Variants in CCM2 observed in about 807,000 individuals in gnomAD.
CCM2 encodes CCM2 scaffold protein.
A neutral mutation model predicts 44.9 loss-of-function variants in CCM2; 25 were observed. The observed-to-expected ratio is 0.56, with a 90% CI of 0.41 to 0.78. CCM2 has a LOEUF of 0.78. Among genes scored for constraint, CCM2 ranks in the 30% least tolerant of loss-of-function variants. The pLI is 0.00. For synonymous variants in CCM2, 219 were observed against 241.1 expected (o/e 0.91, Z 0.85); for missense variants, 481 against 580.6 (o/e 0.83, Z 1.76).
At chr7:45,064,367 A>G (rs987214070) in intron 3 of CCM2, 96 bp from the exon 4 acceptor site, 1 of 1,215,368 alleles carries the variant, frequency 8.2e-7, no homozygotes, top group Non-Finnish European at 1.2e-6. Context: ...CATTTGTCAC[A>G]TGTGTGACAT....
At chr7:45,027,259 C>T (rs981119354) in intron 1 of CCM2, 9 of 292,514 alleles carry the variant, frequency 3.1e-5, no homozygotes. Flanking sequence ...TTCCACCCTT[C>T]GTATGAGGCA....
At chr7:45,066,357 C>T (rs992886074) in intron 4 of CCM2, among the ~76,000 whole-genome samples, 6 of 152,098 alleles carry the variant, frequency 3.9e-5, no homozygotes, top group Non-Finnish European at 5.9e-5. Flanking sequence ...ATGTTGCCCA[C>T]GCTGGTCTTG....
intron 1 of CCM2, among the ~76,000 whole-genome samples, chr7:45,001,991 A>G (rs1035372192): frequency 7.9e-5 from 12 of 152,262 alleles, no homozygotes; most frequent in African/African-American, 2.9e-4. Flanking sequence ...CCTGTAGACA[A>G]GCCAGACAAG....
intron 2 of CCM2, among the ~76,000 whole-genome samples, chr7:45,047,879 TAAG>T (rs1227688654): frequency 3.3e-5 from 5 of 152,168 alleles, no homozygotes; most frequent in African/African-American, 7.2e-5. Context: ...TTTCTTATAA[TAAG>T]AGAATTTACA....
At chr7:45,015,915 T>C (rs920280340) in intron 1 of CCM2, among the ~76,000 whole-genome samples, 5 of 152,190 alleles carry the variant, frequency 3.3e-5, no homozygotes, top group Admixed American at 2.6e-4. Flanking sequence ...CCGAAAGCCA[T>C]GATTTGACAT....
intron 3 of CCM2, 96 bp downstream of exon 3, chr7:45,064,097 G>A: frequency 1.2e-6 from 1 of 833,732 alleles, no homozygotes; most frequent in South Asian, 1.4e-5. Context: ...GAATGAGCCA[G>A]TCCCATCACA....
chr7:45,018,934 A>G (rs759278658), intron 1 of CCM2, among the ~76,000 whole-genome samples: 5 of 149,426 alleles, frequency 3.3e-5, no homozygotes, highest in Non-Finnish European at 7.4e-5. Context: ...TAATTTTTGT[A>G]TTTTTAATAG....
Position 45,075,672 on chromosome 7 carries a change from A to T in CCM2, c.1055-105A>T. The T allele has an allele frequency of 4.9e-6, 7 of 1,417,612 alleles. No individual in the cohort carries two copies. In the South Asian group the frequency reaches 8.1e-5, roughly 16 times the overall value. The allele number at this position is 1,417,612 out of a possible 1,614,324, so 87.8% of individuals were successfully genotyped here. On this transcript the variant is annotated intron_variant, in intron 9 of 9. Transcript: ENST00000258781. ...GGCATCAGGGTCCCCAAGGCCATGC[A>T]CCAGGGGCAGCTGTGGCCCTGTCAG... is the stretch of plus-strand genomic sequence containing the variant.
At chr7:45,073,857 G>A (rs1583994344) in intron 8 of CCM2, 2 of 552,116 alleles carry the variant, frequency 3.6e-6, no homozygotes, top group East Asian at 6.1e-5. Context: ...CCCCTGCAAG[G>A]CCACATGGCC....
intron 2 of CCM2, among the ~76,000 whole-genome samples, chr7:45,045,650 A>C (rs1413006801): frequency 1.3e-5 from 2 of 152,044 alleles, no homozygotes; most frequent in Non-Finnish European, 2.9e-5. Context: ...AATTAGCCGG[A>C]CGTGGTGGCG....
chr7:45,038,321 T>C lies in CCM2; in HGVS notation c.99T>C (p.His33=). The C allele has an allele frequency of 6.2e-7, 1 of 1,614,148 alleles. No homozygotes were observed. The highest frequency in any genetic ancestry group is 8.5e-7 in the Non-Finnish European group (1 of 1,180,040). ...AAAAGAGTAGAGATAAGAAAGCCCATGAGAAGGTGACAGAGAGGCGCCCTC... is the reference window on the plus strand; with the variant it reads ...AAAAGAGTAGAGATAAGAAAGCCCACGAGAAGGTGACAGAGAGGCGCCCTC... ...KGEKSRDKKA[H]EKVTERRPLH... Residue 33 remains histidine (H), a synonymous_variant, in exon 2 of 10, where the codon CAT becomes CAC. Transcript: ENST00000258781.
At chr7:45,072,585 G>T (rs1432901400) in intron 6 of CCM2, 141 bp from the exon 7 acceptor site, 1 of 722,812 alleles carries the variant, frequency 1.4e-6, no homozygotes, top group South Asian at 1.5e-5. Flanking sequence ...TCCAGAGTGC[G>T]GGCAGCTTGA....
At chr7:45,069,743 G>T in intron 5 of CCM2, 83 bp from the exon 6 acceptor site, 3 of 1,555,042 alleles carry the variant, frequency 1.9e-6, no homozygotes, top group Non-Finnish European at 2.6e-6. Context: ...GAGCATCTGG[G>T]CTGCCCCAGG....
rs1057524745 is a variant in CCM2 at position 45,075,968 on chromosome 7, T to G, written c.1246T>G (p.Ser416Ala). 2.5e-6 allele frequency: 4 copies of G among 1,613,008 alleles called. No individual in the cohort carries two copies. Among genetic ancestry groups the G allele is most frequent in the Non-Finnish European group, 2.5e-6 (3 of 1,179,990 alleles). The change falls in exon 10 of 10, where the codon TCA (serine) becomes GCA (alanine). Residue 416 changes from serine to alanine, a missense_variant. Coordinates refer to ENST00000258781, the MANE Select transcript of CCM2 (RefSeq NM_031443.4). ...TGSSDDRSAP[S>A]EGDEWDRMIS... Reference sequence around the variant, plus strand: ...CAGCTCTGATGACCGGTCGGCACCCTCAGAGGGGGATGAGTGGGACCGCAT... The same window carrying G: ...CAGCTCTGATGACCGGTCGGCACCCGCAGAGGGGGATGAGTGGGACCGCAT...
intron 9 of CCM2, 67 bp downstream of exon 9, chr7:45,074,475 A>C (rs1799246668): frequency 7.4e-7 from 1 of 1,353,816 alleles, no homozygotes; most frequent in African/African-American, 1.4e-5. Flanking sequence ...CCCTCCTGGG[A>C]ATGTGCACAC....
chr7:45,004,642 C>T (rs974289784), intron 1 of CCM2, among the ~76,000 whole-genome samples: 1 of 152,146 alleles, frequency 6.6e-6, no homozygotes, highest in Admixed American at 6.5e-5. Flanking sequence ...TCTGTATAAC[C>T]GAAGTGAAAG....
At chr7:45,029,260 CT>C (rs1378775747) in intron 1 of CCM2, among the ~76,000 whole-genome samples, 2 of 152,112 alleles carry the variant, frequency 1.3e-5, no homozygotes, top group Non-Finnish European at 2.9e-5. Flanking sequence ...ATACCTAGGC[CT>C]TTTTATAATA....
rs559366888 is a variant in CCM2 at position 45,011,150 on chromosome 7, A to G, written c.30+10787A>G. Among the ~76,000 whole-genome samples the G allele has an allele frequency of 8.6e-5, 13 of 151,692 alleles. No individual in the cohort carries two copies. In the South Asian group the frequency reaches 1.9e-3, roughly 22 times the overall value. ...AAACTCCTGCAGTTCTCATGCCTCA[A>G]CCTCCCAAGTAGTTAGGACGATAGG... On this transcript the variant is annotated intron_variant, in intron 1 of 9. Transcript: ENST00000258781.
chr7:45,023,092 T>C (rs191790982), intron 1 of CCM2, among the ~76,000 whole-genome samples: 1 of 152,164 alleles, frequency 6.6e-6, no homozygotes, highest in Admixed American at 6.5e-5. Flanking sequence ...TTGTATCCAG[T>C]AGGTAATTTT....
Sources: allele counts gnomAD v4.1 joint callset (sites outside exome capture counted in the v4.1 genomes callset), GRCh38; gene constraint gnomAD v4.1.1; transcripts MANE v1.5; gene names NCBI Gene and HGNC (gene_info 2026-07-23, HGNC 2026-07-21).